UVSSA: variants seen among roughly 807,000 people sequenced by gnomAD.
UVSSA encodes UV stimulated scaffold protein A.
Under a neutral mutation model 73.9 loss-of-function variants are expected in UVSSA, and 72 were observed. The ratio of observed to expected loss-of-function variants is 0.97; its 90% confidence interval spans 0.81 to 1.19. The LOEUF is 1.19. Ranked by LOEUF, UVSSA falls within the 50% of genes most tolerant of loss-of-function variation. The probability of loss-of-function intolerance (pLI) is 0.00; values close to 1 mark genes in which losing one functional copy is unlikely to be tolerated. For missense variants in UVSSA, 1,150 were observed against 965.0 expected (o/e 1.19, Z -2.54); for synonymous variants, 454 against 391.3 (o/e 1.16, Z -1.89).
At chr4:1,360,021 A>G (rs955062973) in intron 7 of UVSSA, among the ~76,000 whole-genome samples, 4 of 152,218 alleles carry the variant, frequency 2.6e-5, no homozygotes, top group Non-Finnish European at 5.9e-5. Flanking sequence ...ACGTGGACCC[A>G]CCAGGCACAG....
chr4:1,383,766 A>C lies in UVSSA; in HGVS notation c.1862A>C (p.Glu621Ala). Residue 621 changes from glutamate to alanine, a missense_variant and splice_region_variant, in exon 13 of 14, where the codon GAA becomes GCA. Physicochemically the swap from Glu to Ala is moderately radical, Grantham distance 107. Transcript: ENST00000389851. ...RRQLQKQERP[E>A]WQDPELMRDV... ...TGAAGTGCTTGAGTTTTGTTTGCAGAATGGCAGGACCCTGAGTTGATGAGA... is the reference window on the plus strand; with the variant it reads ...TGAAGTGCTTGAGTTTTGTTTGCAGCATGGCAGGACCCTGAGTTGATGAGA... The C allele has an allele frequency of 6.2e-7, 1 of 1,613,196 alleles. No homozygotes were observed. Among genetic ancestry groups the C allele is most frequent in the African/African-American group, 1.3e-5 (1 of 75,012 alleles).
rs183290226 is a variant in UVSSA at position 1,385,864 on chromosome 4, A to G, written c.2037-4A>G. 1.9e-5 allele frequency: 30 copies of G among 1,613,976 alleles called. No homozygotes were observed. The highest frequency in any genetic ancestry group is 6.7e-5 in the African/African-American group (5 of 75,060). On this transcript the variant is annotated splice_polypyrimidine_tract_variant and splice_region_variant and intron_variant, in intron 13 of 13. Transcript: ENST00000389851. ...AGGTCACATCTTGCCTTGTTTCCCC[A>G]CAGGGCAGCTGTGCGGAGGGTAGTG...
intron 7 of UVSSA, chr4:1,356,570 G>A (rs1440234795): frequency 6.6e-6 from 1 of 152,286 alleles, no homozygotes; most frequent in Non-Finnish European, 1.5e-5. Context: ...TTTGCAATGC[G>A]AAAGGATGCT....
chr4:1,375,333 G>T (rs1034276612), intron 8 of UVSSA, 31 bp from the exon 9 acceptor site: 70 of 1,609,902 alleles, frequency 4.3e-5, no homozygotes, highest in Non-Finnish European at 5.9e-5. Context: ...TGTGGGAGTG[G>T]TGGCAGGGAG....
intron 3 of UVSSA, 124 bp downstream of exon 3, chr4:1,349,978 G>A: frequency 1.1e-6 from 1 of 917,048 alleles, no homozygotes; most frequent in Non-Finnish European, 1.6e-6. Context: ...GGCCTTGCCT[G>A]AACACCCAGG....
intron 5 of UVSSA, chr4:1,354,532 G>C: frequency 1.7e-6 from 1 of 584,884 alleles, no homozygotes. Flanking sequence ...GGGAGGCTTT[G>C]GTGTTAAGCC....
chr4:1,394,349 A>G (rs1365838040), exon 14 of UVSSA: 13 of 1,256,934 alleles, frequency 1.0e-5, no homozygotes, highest in Non-Finnish European at 1.3e-5. Context: ...TTCCCCCTTA[A>G]AGATTATATT....
At chr4:1,389,863 C>G (rs905657550), downstream of UVSSA, 2 of 152,156 alleles carry the variant, frequency 1.3e-5, no homozygotes, top group African/African-American at 4.8e-5. Flanking sequence ...TTTGATTCTT[C>G]TCTCTTTTAC....
intron 12 of UVSSA, among the ~76,000 whole-genome samples, chr4:1,381,686 C>CTTT (rs1318393473): frequency 2.3e-5 from 3 of 131,764 alleles, no homozygotes; most frequent in Non-Finnish European, 3.2e-5. Context: ...TTTGATTTGG[C>CTTT]TTTTTTTTTT....
Position 1,386,651 on chromosome 4 carries a change from G to C in UVSSA, c.*690G>C, listed in dbSNP as rs1374736016. 1 of 152,236 alleles carries C rather than the reference G, an allele frequency of 6.6e-6. No homozygotes were observed. The highest frequency in any genetic ancestry group is 2.4e-5 in the African/African-American group (1 of 41,446). 9.4% of individuals were successfully genotyped at this position (152,236 alleles called of 1,614,324 possible). On this transcript the variant is annotated 3_prime_UTR_variant, in exon 14 of 14. Coordinates refer to ENST00000389851, the MANE Select transcript of UVSSA (RefSeq NM_020894.4). ...ACTGGCCATTTGTGTATCTCCTTTG[G>C]AGAGGAGTCTATTCAAACCTCTTGC...
At chr4:1,370,253 A>ATGTGCGTG (rs1008925906) in intron 8 of UVSSA, among the ~76,000 whole-genome samples, 11 of 152,308 alleles carry the variant, frequency 7.2e-5, no homozygotes, top group African/African-American at 2.4e-4. Context: ...CACTGTGAGC[A>ATGTGCGTG]TGTGCGTGTG....
rs547603763 is a variant in UVSSA at position 1,354,256 on chromosome 4, G to A, written c.935-479G>A. Among the ~76,000 whole-genome samples the A allele has an allele frequency of 1.5e-4, 23 of 152,204 alleles. No homozygotes were observed. The South Asian group carries it at 1.7e-3, about 11-fold the overall frequency. On this transcript the variant is annotated intron_variant, in intron 5 of 13. Transcript: ENST00000389851. The stretch of plus-strand genomic sequence containing the variant: ...TCGCCTGTATAGAGCTCTGCCCTGC[G>A]CCGGACACTGAGGGTGCCACAGCGG...
At chr4:1,380,773 A>G in intron 11 of UVSSA, 107 bp from the exon 12 acceptor site, 1 of 1,581,608 alleles carries the variant, frequency 6.3e-7, no homozygotes, top group Non-Finnish European at 8.6e-7. Context: ...GCTCTGTGAT[A>G]CCACCCACCC....
At position 1,353,442 on chromosome 4, in the gene UVSSA, G is replaced by C. The variant is rs376465232; in HGVS notation, c.934+29G>C. 4.8e-6 allele frequency: 7 copies of C among 1,452,954 alleles called. No individual in the cohort carries two copies. The African/African-American group carries it at 7.1e-5, about 15-fold the overall frequency. 90.0% of individuals were successfully genotyped at this position (1,452,954 alleles called of 1,614,324 possible). A position where few individuals can be genotyped will look rare whatever the true frequency, so the allele number is the denominator to read the frequency against. On this transcript the variant is annotated intron_variant, in intron 5 of 13. Transcript: ENST00000389851. ...ACTGCCTTCGCGGGGTCTCTGTGGC[G>C]CCACCCTGCCCCGGCTCCCGGGTAG...
chr4:1,392,524 T>C (rs557664120), downstream of UVSSA: 1 of 152,368 alleles, frequency 6.6e-6, no homozygotes, highest in South Asian at 2.1e-4. Context: ...TTTCCTTCTC[T>C]TCTGAAGAAT....
chr4:1,362,812 G>T (rs1314860758), intron 7 of UVSSA, among the ~76,000 whole-genome samples: 1 of 152,184 alleles, frequency 6.6e-6, no homozygotes, highest in African/African-American at 2.4e-5. Flanking sequence ...TTTGGGCTCC[G>T]TGCGCTTCGA....
intron 12 of UVSSA, among the ~76,000 whole-genome samples, chr4:1,381,891 T>A (rs1719547899): frequency 6.6e-6 from 1 of 152,128 alleles, no homozygotes; most frequent in Non-Finnish European, 1.5e-5. Context: ...CAAGCTGGTC[T>A]TGAACTCCTG....
chr4:1,354,862 T>C lies in UVSSA; in HGVS notation c.1047+15T>C, dbSNP rs569208247. The C allele has an allele frequency of 5.5e-5, 87 of 1,568,456 alleles. No individual in the cohort carries two copies. The highest frequency in any genetic ancestry group is 3.4e-4 in the Middle Eastern group (2 of 5,882). ...CGTGGATCCAGGTGAGCCTCGAACC[T>C]GGGACCTGTGGGTGGAGGGACGTGT... On this transcript the variant is annotated intron_variant, in intron 6 of 13. Coordinates refer to ENST00000389851, the MANE Select transcript of UVSSA (RefSeq NM_020894.4).
upstream of UVSSA, among the ~76,000 whole-genome samples, chr4:1,346,811 C>T (rs778246004): frequency 6.6e-5 from 10 of 152,064 alleles, no homozygotes; most frequent in Non-Finnish European, 8.8e-5. Flanking sequence ...TCCCGGCCGG[C>T]CCCGCCCCCG....
Sources: gnomAD v4.1 joint callset for allele counts (sites outside exome capture counted in the v4.1 genomes callset) on GRCh38, gnomAD v4.1.1 for gene constraint, MANE v1.5 for transcripts, NCBI Gene and HGNC (gene_info 2026-07-23, HGNC 2026-07-21) for gene names.